ANKRD22: variants seen among roughly 807,000 people sequenced by gnomAD.
ANKRD22 encodes the protein ankyrin repeat domain-containing protein 22.
A neutral mutation model predicts 25.7 loss-of-function variants in ANKRD22; 24 were observed. The ratio of observed to expected loss-of-function variants is 0.93; its 90% CI spans 0.68 to 1.31. The LOEUF is 1.31. Ranked by LOEUF, ANKRD22 falls within the 50% of genes most tolerant of loss-of-function variation. The pLI is 0.00. For synonymous variants in ANKRD22, 84 were observed against 84.3 expected, an observed-to-expected ratio of 1.00 and a Z score of 0.02; for missense variants, 214 against 227.1, an observed-to-expected ratio of 0.94 and a Z score of 0.37.
Position 88,822,966 on chromosome 10 carries a change from T to A in ANKRD22, c.551A>T (p.Glu184Val), listed in dbSNP as rs769660284. 6.2e-7 allele frequency: 1 copy of A among 1,613,398 alleles called. No homozygotes were observed. Among genetic ancestry groups the A allele is most frequent in the Non-Finnish European group, 8.5e-7 (1 of 1,179,354 alleles). Residue 184 changes from glutamate to valine, a missense_variant, in exon 6 of 6, where the codon GAA becomes GTA. By Grantham distance (121) the Glu-to-Val change is moderately radical (BLOSUM62 -2). Coordinates refer to ENST00000371930, the MANE Select transcript of ANKRD22 (RefSeq NM_144590.3). Reference sequence around the variant, plus strand: ...TTACAATGCTTTCCTTAGCATTAATTCAATCTGGGAAAATTTTAATCTCCG... The same window carrying A: ...TTACAATGCTTTCCTTAGCATTAATACAATCTGGGAAAATTTTAATCTCCG... ...IARRLKFSQI[E>V]LMLRKAL
At chr10:88,837,802 C>T (rs1305517452) in intron 1 of ANKRD22, among the ~76,000 whole-genome samples, 2 of 152,154 alleles carry the variant, frequency 1.3e-5, no homozygotes, top group African/African-American at 4.8e-5. Flanking sequence ...GAATAAGTCT[C>T]ACTAGATCTG....
intron 2 of ANKRD22, among the ~76,000 whole-genome samples, chr10:88,831,198 G>A (rs1327278554): frequency 6.6e-6 from 1 of 152,202 alleles, no homozygotes; most frequent in African/African-American, 2.4e-5. Flanking sequence ...AATGCTAGAT[G>A]TTCAGAAAGG....
intron 1 of ANKRD22, among the ~76,000 whole-genome samples, chr10:88,837,538 A>G (rs1051714274): frequency 4.6e-5 from 7 of 152,262 alleles, no homozygotes; most frequent in Non-Finnish European, 8.8e-5. Flanking sequence ...AGAGAGCTAC[A>G]TGGATGGAAA....
chr10:88,841,556 A>G (rs1457602041), intron 1 of ANKRD22, among the ~76,000 whole-genome samples: 1 of 152,098 alleles, frequency 6.6e-6, no homozygotes, highest in African/African-American at 2.4e-5. Flanking sequence ...GCTCCAATAC[A>G]CCAGCAACAG....
At chr10:88,824,048 A>C (rs899040269) in intron 4 of ANKRD22, among the ~76,000 whole-genome samples, 4 of 152,238 alleles carry the variant, frequency 2.6e-5, no homozygotes, top group African/African-American at 4.8e-5. Flanking sequence ...AAGAGTCTCC[A>C]CATGGCCCTT....
At chr10:88,834,347 CA>C (rs1344185260) in intron 1 of ANKRD22, among the ~76,000 whole-genome samples, 22 of 151,834 alleles carry the variant, frequency 1.4e-4, no homozygotes, top group African/African-American at 4.6e-4. Flanking sequence ...ATATAATCAC[CA>C]GGGGGAAAGC....
intron 4 of ANKRD22, among the ~76,000 whole-genome samples, chr10:88,825,764 G>A (rs1843849481): frequency 6.6e-6 from 1 of 152,166 alleles, no homozygotes; most frequent in Non-Finnish European, 1.5e-5. Context: ...CTGGTATTTT[G>A]TTATCGGAGC....
intron 4 of ANKRD22, 40 bp downstream of exon 4, chr10:88,825,998 T>A: frequency 6.6e-7 from 1 of 1,517,158 alleles, no homozygotes; most frequent in East Asian, 2.3e-5. Context: ...CAAATACCAT[T>A]TTGAATATTT....
rs908288272 is a variant in ANKRD22, at chr10:88,820,419, A to C, written c.*2522T>G. 6.4e-7 allele frequency: 1 copy of C among 1,552,116 alleles called. No individual in the cohort carries two copies. On this transcript the variant is annotated 3_prime_UTR_variant, in exon 6 of 6. Coordinates refer to ENST00000371930, the MANE Select transcript of ANKRD22 (RefSeq NM_144590.3). ...TTCATCTGGGGTTTGGATGCTCCTC[A>C]CCGTATGTACAATGAAATCATCCAT...
rs200146701 is a variant in ANKRD22, at chr10:88,820,216, T to A, written c.*2725A>T. 1.0e-4 allele frequency: 154 copies of A among 1,541,184 alleles called. No individual in the cohort carries two copies. The South Asian group carries it at 1.8e-3, about 18-fold the overall frequency. On this transcript the variant is annotated 3_prime_UTR_variant, in exon 6 of 6. Transcript: ENST00000371930. ...CCAAATGTTACCTAGAGTTAAGAAC[T>A]ATTCCTTTTCTCTAGCCAACTCCTG...
intron 1 of ANKRD22, among the ~76,000 whole-genome samples, chr10:88,848,311 T>C (rs1844072629): frequency 6.6e-6 from 1 of 151,710 alleles, no homozygotes; most frequent in Non-Finnish European, 1.5e-5. Flanking sequence ...AATAAATAAA[T>C]AAAGGTATAC....
At chr10:88,825,901 G>GA (rs912320597) in intron 4 of ANKRD22, 137 bp downstream of exon 4, 114 of 721,968 alleles carry the variant, frequency 1.6e-4, no homozygotes, top group Middle Eastern at 4.0e-4. Context: ...CTGTCAGTGG[G>GA]AAAAAAAAGG....
At chr10:88,845,498 A>T (rs368019258) in intron 1 of ANKRD22, among the ~76,000 whole-genome samples, 2 of 152,084 alleles carry the variant, frequency 1.3e-5, no homozygotes, top group Non-Finnish European at 2.9e-5. Flanking sequence ...GGATATCGCT[A>T]AAGTACCATG....
At chr10:88,823,476 A>G in intron 4 of ANKRD22, 98 bp from the exon 5 acceptor site, 4 of 882,794 alleles carry the variant, frequency 4.5e-6, no homozygotes, top group Non-Finnish European at 7.5e-6. Context: ...ACTTTGTAGT[A>G]TACAACTAAG....
chr10:88,828,084 G>T (rs996207392), intron 3 of ANKRD22, among the ~76,000 whole-genome samples: 12 of 152,166 alleles, frequency 7.9e-5, no homozygotes, highest in Admixed American at 7.2e-4. Context: ...GTGAAAATGG[G>T]CTTAAATTCT....
intron 1 of ANKRD22, among the ~76,000 whole-genome samples, chr10:88,835,870 G>T (rs1330866493): frequency 2.0e-5 from 3 of 152,146 alleles, no homozygotes; most frequent in Non-Finnish European, 4.4e-5. Flanking sequence ...GAAAGTGCTG[G>T]TTCACAAGCC....
rs56194758 is a variant in ANKRD22, at chr10:88,823,827, C to CAAAAAAAAAAAAAAAAAA, written c.400-467_400-450dup. Among the ~76,000 whole-genome samples the CAAAAAAAAAAAAAAAAAA allele has an allele frequency of 1.8e-3, 188 of 103,710 alleles. 11 individuals carry two copies. The highest frequency in any genetic ancestry group is 7.7e-3 in the African/African-American group (180 of 23,226). The allele number at this position is 103,710 out of a possible 152,430, so 68.0% of individuals were successfully genotyped here. On this transcript the variant is annotated intron_variant, in intron 4 of 5. Transcript: ENST00000371930. ...TGGGCGACAGAGCGAGACTCCGTCT[C>CAAAAAAAAAAAAAAAAAA]AAAAAAAAAAAAAAAAAAATTTCTT...
intron 2 of ANKRD22, 92 bp downstream of exon 2, chr10:88,831,743 A>G (rs1843905050): frequency 7.7e-7 from 1 of 1,305,166 alleles, no homozygotes; most frequent in African/African-American, 1.5e-5. Flanking sequence ...AGCTGCAAGC[A>G]ATTTAAAAAA....
intron 1 of ANKRD22, among the ~76,000 whole-genome samples, chr10:88,846,809 G>A (rs555361394): frequency 6.6e-6 from 1 of 152,106 alleles, no homozygotes; most frequent in East Asian, 1.9e-4. Flanking sequence ...TCTTTCTGAA[G>A]CAATAATGCC....
Sources: gnomAD v4.1 joint callset for allele counts (sites outside exome capture counted in the v4.1 genomes callset) on GRCh38, gnomAD v4.1.1 for gene constraint, MANE v1.5 for transcripts, NCBI Gene and HGNC (gene_info 2026-07-23, HGNC 2026-07-21) for gene names.